The following PGM3 variants were observed in gnomAD, a reference collection of about 807,000 sequenced individuals.
PGM3 encodes phosphoglucomutase 3, also known as phosphoacetylglucosamine mutase.
In PGM3, 40 loss-of-function variants were observed where a neutral mutation model predicts 66.2. The observed-to-expected ratio is 0.60, with a 90% CI of 0.47 to 0.79. The LOEUF is 0.79. PGM3 is among the 30% of genes least tolerant of loss of function. The pLI, the probability that PGM3 is intolerant of heterozygous loss-of-function variation, is 0.00. For synonymous variants in PGM3, 191 were observed against 224.2 expected (o/e 0.85, Z 1.32); for missense variants, 537 against 643.4 (o/e 0.83, Z 1.79).
downstream of PGM3, among the ~76,000 whole-genome samples, chr6:83,157,813 C>G (rs1048110875): frequency 1.3e-5 from 2 of 152,098 alleles, no homozygotes; most frequent in African/African-American, 4.8e-5. Flanking sequence ...AAAACCTTCC[C>G]AAGTCCCACC....
chr6:83,173,761 G>A (rs995535788), intron 10 of PGM3, among the ~76,000 whole-genome samples: 2 of 152,150 alleles, frequency 1.3e-5, no homozygotes, highest in Non-Finnish European at 2.9e-5. Context: ...TTTTGAGACA[G>A]AGTCTCGCTC....
Position 83,175,502 on chromosome 6 carries a change from A to G in PGM3, c.1128+460T>C, listed in dbSNP as rs569558979. ...TTCTGAACATTATGAATCTACAAAA[A>G]ACTAAATTATACACTTTAAAATGTA... On this transcript the variant is annotated intron_variant, in intron 9 of 12. Coordinates refer to ENST00000513973, the MANE Select transcript of PGM3 (RefSeq NM_015599.3). Among the ~76,000 whole-genome samples, 7 of 152,346 alleles carry G rather than the reference A, an allele frequency of 4.6e-5. No individual in the cohort carries two copies. The South Asian group carries it at 1.4e-3, about 32-fold the overall frequency.
chr6:83,157,278 A>G, downstream of PGM3: 1 of 1,613,966 alleles, frequency 6.2e-7, no homozygotes, highest in South Asian at 1.1e-5. Flanking sequence ...ATGTCTCCCC[A>G]ACATCTTACC....
chr6:83,163,066 AT>A (rs772643052), downstream of PGM3: 91 of 777,110 alleles, frequency 1.2e-4, no homozygotes, highest in Middle Eastern at 3.2e-4. Context: ...GTTAATGTCC[AT>A]AAGCCTCATA....
intron 4 of PGM3, among the ~76,000 whole-genome samples, chr6:83,183,953 T>G (rs1385992131): frequency 6.6e-6 from 1 of 151,912 alleles, no homozygotes; most frequent in Non-Finnish European, 1.5e-5. Flanking sequence ...TGACCTCAAA[T>G]GATCCACCCA....
At position 83,192,005 on chromosome 6, in the gene PGM3, G is replaced by C. The variant is rs897168294; in HGVS notation, c.-2-991C>G. ...AAACAGGCCAGGTGAGGTGGCTCAG[G>C]CCTGTAATCCCGGCATTTTGGGAGG... On this transcript the variant is annotated intron_variant, in intron 1 of 12. Coordinates refer to ENST00000513973, the MANE Select transcript of PGM3 (RefSeq NM_015599.3). 4.9e-5 allele frequency among the ~76,000 whole-genome samples: 7 copies of C among 142,762 alleles called. No homozygotes were observed. The East Asian group carries it at 1.3e-3, about 26-fold the overall frequency. The allele number at this position is 142,762 out of a possible 152,430, so 93.7% of individuals were successfully genotyped here.
chr6:83,175,424 C>G (rs1787684389), intron 9 of PGM3, among the ~76,000 whole-genome samples: 1 of 152,070 alleles, frequency 6.6e-6, no homozygotes, highest in Admixed American at 6.6e-5. Flanking sequence ...GTTCTGATAG[C>G]CACCTCAAGT....
intron 2 of PGM3, among the ~76,000 whole-genome samples, chr6:83,190,181 T>C (rs1788942379): frequency 1.3e-5 from 2 of 152,242 alleles, no homozygotes; most frequent in Admixed American, 1.3e-4. Flanking sequence ...AGCCTGATAG[T>C]GGTAATCATT....
chr6:83,156,155 C>T (rs1583160090), downstream of PGM3: 2 of 1,461,980 alleles, frequency 1.4e-6, no homozygotes, highest in Non-Finnish European at 1.9e-6. Context: ...TTTTTGGTTC[C>T]TTAGAAAATA....
Position 83,168,111 on chromosome 6 carries a change from C to A in PGM3, c.*1123G>T. On this transcript the variant is annotated 3_prime_UTR_variant, in exon 13 of 13. Transcript: ENST00000513973. ...CAAACCATGTTCCAGCAAAGCCAGG[C>A]AAAAAATAGAAGAGATGGTAGAAAA... is the stretch of plus-strand genomic sequence containing the variant. 6.2e-7 allele frequency: 1 copy of A among 1,608,770 alleles called. No individual in the cohort carries two copies. Among genetic ancestry groups the A allele is most frequent in the South Asian group, 1.1e-5 (1 of 90,004 alleles).
At chr6:83,159,454 T>G (rs75392213), downstream of PGM3, among the ~76,000 whole-genome samples, 1 of 151,686 alleles carries the variant, frequency 6.6e-6, no homozygotes, top group Non-Finnish European at 1.5e-5. Flanking sequence ...TTTTTTTTTT[T>G]GTCTGTGTGT....
At chr6:83,178,992 G>C (rs766180785) in intron 7 of PGM3, among the ~76,000 whole-genome samples, 2 of 152,116 alleles carry the variant, frequency 1.3e-5, no homozygotes, top group Non-Finnish European at 2.9e-5. Flanking sequence ...TGTATCTCCT[G>C]ATCTTCACCT....
At chr6:83,163,515 ATTCT>A (rs1205738133), downstream of PGM3, among the ~76,000 whole-genome samples, 6 of 152,214 alleles carry the variant, frequency 3.9e-5, no homozygotes, top group African/African-American at 9.6e-5. Flanking sequence ...ATTAGCATTC[ATTCT>A]GTTTATCTAT....
At chr6:83,184,459 G>GC (rs1788427370) in intron 4 of PGM3, among the ~76,000 whole-genome samples, 1 of 152,196 alleles carries the variant, frequency 6.6e-6, no homozygotes, top group African/African-American at 2.4e-5. Context: ...GCTTAGATTA[G>GC]TTTAATGGAA....
At chr6:83,155,410 A>G in the PGM3 span, among the ~76,000 whole-genome samples, 3 of 152,140 alleles carry the variant, frequency 2.0e-5, no homozygotes, top group East Asian at 1.9e-4. Context: ...GCAGTGAGCC[A>G]TGATTGTGCC....
chr6:83,191,958 CAAAAAAAAAAAAAA>C (rs1219337174), intron 1 of PGM3, among the ~76,000 whole-genome samples: 2 of 39,364 alleles, frequency 5.1e-5, no homozygotes, highest in Non-Finnish European at 9.3e-5. Flanking sequence ...GACTCGGTCT[CAAAAAAAAAAAAAA>C]AAAAAAAAAA....
chr6:83,170,160 T>C (rs1410255823), intron 12 of PGM3, 145 bp downstream of exon 12: 2 of 673,884 alleles, frequency 3.0e-6, no homozygotes, highest in South Asian at 2.2e-5. Context: ...CTGGTGAAAA[T>C]AATTTTGTAG....
At chr6:83,157,458 G>T, downstream of PGM3, 1 of 895,536 alleles carries the variant, frequency 1.1e-6, no homozygotes, top group Non-Finnish European at 1.7e-6. Flanking sequence ...TTTTACAGTT[G>T]AAAATAGTAA....
At position 83,168,877 on chromosome 6, in the gene PGM3, T is replaced by C. The variant is rs567443060; in HGVS notation, c.*357A>G. The C allele has an allele frequency of 6.2e-5, 65 of 1,054,640 alleles. No individual in the cohort carries two copies. In the African/African-American group the frequency reaches 8.1e-4, roughly 13 times the overall value. 65.3% of individuals were successfully genotyped at this position (1,054,640 alleles called of 1,614,324 possible). ...ATGCTGCAAAACATCATCTTGCTCA[T>C]GTGATGGTGATGGCAAAGATATCAC... On this transcript the variant is annotated 3_prime_UTR_variant, in exon 13 of 13. Coordinates refer to ENST00000513973, the MANE Select transcript of PGM3 (RefSeq NM_015599.3).
Sources: gnomAD v4.1 joint callset for allele counts (sites outside exome capture counted in the v4.1 genomes callset) on GRCh38, gnomAD v4.1.1 for gene constraint, MANE v1.5 for transcripts, NCBI Gene and HGNC (gene_info 2026-07-23, HGNC 2026-07-21) for gene names.